The following CEP192 variants were observed in gnomAD, a reference collection of about 807,000 sequenced individuals.
CEP192 encodes centrosomal protein 192.
A neutral mutation model predicts 271.8 loss-of-function variants in CEP192; 151 were observed. The ratio of observed to expected loss-of-function variants is 0.56; its 90% CI spans 0.49 to 0.64. The LOEUF (loss-of-function observed/expected upper bound fraction) is 0.64, where lower values mean the gene tolerates loss of function less well. CEP192 is among the 30% of genes least tolerant of loss of function. The pLI is 0.00. For missense variants in CEP192, 2,910 were observed against 3,020.5 expected (o/e 0.96, Z 0.86); for synonymous variants, 995 against 1,076.5 (o/e 0.92, Z 1.48).
chr18:13,123,415 C>A (rs768439638), intron 44 of CEP192, among the ~76,000 whole-genome samples: 9 of 152,124 alleles, frequency 5.9e-5, no homozygotes, highest in African/African-American at 1.4e-4. Context: ...TCAGTTATAT[C>A]CAGGAAAAGG....
intron 9 of CEP192, 53 bp from the exon 10 acceptor site, chr18:13,029,608 TAA>T (rs2035499391): frequency 9.0e-7 from 1 of 1,109,456 alleles, no homozygotes; most frequent in East Asian, 2.6e-5. Context: ...AAATAAGTTA[TAA>T]AAAACAAGAC....
At chr18:13,072,480 A>G (rs1291498936) in intron 28 of CEP192, among the ~76,000 whole-genome samples, 1 of 152,208 alleles carries the variant, frequency 6.6e-6, no homozygotes, top group Non-Finnish European at 1.5e-5. Context: ...TATATGACAG[A>G]TAATACCTAT....
chr18:13,074,999 A>C (rs2038197194), intron 30 of CEP192, among the ~76,000 whole-genome samples: 1 of 152,248 alleles, frequency 6.6e-6, no homozygotes, highest in Non-Finnish European at 1.5e-5. Context: ...TATTCTGGGC[A>C]CTACCCTCAA....
intron 3 of CEP192, among the ~76,000 whole-genome samples, chr18:13,002,963 C>T (rs989796810): frequency 4.6e-5 from 7 of 152,118 alleles, no homozygotes; most frequent in African/African-American, 1.7e-4. Flanking sequence ...TGACTGAGTG[C>T]CTACTGTGTG....
chr18:13,078,127 TC>T (rs2038388197), intron 30 of CEP192, among the ~76,000 whole-genome samples: 1 of 152,116 alleles, frequency 6.6e-6, no homozygotes, highest in Non-Finnish European at 1.5e-5. Context: ...TATGTTCCCT[TC>T]CCTGTGTCCA....
rs148354378 is a variant in CEP192 at position 13,081,162 on chromosome 18, G to A, written c.5617-5855G>A. ...ATGATGCTGGCCTCATAAAAAATGA[G>A]TTAGGGAGGATTCTCTTTTTTTCTA... On this transcript the variant is annotated intron_variant, in intron 30 of 44. Coordinates refer to ENST00000506447, the MANE Select transcript of CEP192 (RefSeq NM_032142.4). Among the ~76,000 whole-genome samples, 6 of 152,322 alleles carry A rather than the reference G, an allele frequency of 3.9e-5. No individual in the cohort carries two copies. The East Asian group carries it at 1.2e-3, about 29-fold the overall frequency.
At chr18:13,091,995 A>G (rs1465659657) in intron 33 of CEP192, among the ~76,000 whole-genome samples, 1 of 152,240 alleles carries the variant, frequency 6.6e-6, no homozygotes, top group Non-Finnish European at 1.5e-5. Context: ...AACAATGTCC[A>G]CATTAAGCTT....
intron 30 of CEP192, among the ~76,000 whole-genome samples, chr18:13,084,507 C>T (rs1013078365): frequency 1.3e-5 from 2 of 152,134 alleles, no homozygotes; most frequent in Non-Finnish European, 2.9e-5. Flanking sequence ...GGGATTGTCC[C>T]GATTTTCCAG....
At chr18:13,081,665 T>TATCTTCAGTATCTTTC in intron 30 of CEP192, among the ~76,000 whole-genome samples, 1 of 152,258 alleles carries the variant, frequency 6.6e-6, no homozygotes, top group Non-Finnish European at 1.5e-5. Flanking sequence ...TCAGTATTTC[T>TATCTTCAGTATCTTTC]TGCCTTCTGC....
chr18:13,036,755 A>T (rs1266989629), intron 11 of CEP192, among the ~76,000 whole-genome samples: 3 of 152,218 alleles, frequency 2.0e-5, no homozygotes, highest in African/African-American at 7.2e-5. Flanking sequence ...GCTCGGCAGC[A>T]GCCTTGAGGG....
At chr18:13,003,212 C>A (rs1375552125) in intron 3 of CEP192, among the ~76,000 whole-genome samples, 1 of 151,994 alleles carries the variant, frequency 6.6e-6, no homozygotes, top group Admixed American at 6.6e-5. Context: ...ACTTTGGAAG[C>A]CTAAGGCAGG....
chr18:13,066,936 C>T (rs1334340493), intron 21 of CEP192, among the ~76,000 whole-genome samples: 1 of 148,802 alleles, frequency 6.7e-6, no homozygotes, highest in African/African-American at 2.5e-5. Context: ...TTGTGTTTGG[C>T]TAGAGCAAAA....
intron 12 of CEP192, among the ~76,000 whole-genome samples, chr18:13,038,136 ACTCATGATC>A (rs922227928): frequency 1.3e-5 from 2 of 152,064 alleles, no homozygotes; most frequent in Admixed American, 1.3e-4. Flanking sequence ...GTCATGAGCA[ACTCATGATC>A]GTGTGTATTA....
At chr18:13,028,542 G>A (rs1438369389) in intron 9 of CEP192, among the ~76,000 whole-genome samples, 2 of 151,908 alleles carry the variant, frequency 1.3e-5, no homozygotes, top group African/African-American at 2.4e-5. Flanking sequence ...TTTTTGAGAC[G>A]AAGTCTCACT....
At chr18:13,079,188 C>T in intron 30 of CEP192, among the ~76,000 whole-genome samples, 1 of 152,172 alleles carries the variant, frequency 6.6e-6, no homozygotes, top group Middle Eastern at 3.2e-3. Context: ...ATTTCTAATT[C>T]TAGATCCTTG....
At chr18:13,074,720 T>C (rs1358947884) in intron 30 of CEP192, among the ~76,000 whole-genome samples, 1 of 152,182 alleles carries the variant, frequency 6.6e-6, no homozygotes, top group Non-Finnish European at 1.5e-5. Flanking sequence ...ATGGCTATTA[T>C]TTCACAAGAA....
rs1226609929 is a variant in CEP192 at position 13,099,532 on chromosome 18, T to A, written c.6614T>A (p.Met2205Lys). ...TCCTCCTTATCCACAAAACAGTCAA[T>A]GTTCCCGTGGAGTGGTTTGATCTAT... ...PNSSLSTKQS[M>K]FPWSGLIYIH... Residue 2205 changes from methionine (M) to lysine (K), a missense_variant, in exon 37 of 45, where the codon ATG (methionine) becomes AAG (lysine). Coordinates refer to ENST00000506447, the MANE Select transcript of CEP192 (RefSeq NM_032142.4). 1.2e-6 allele frequency: 2 copies of A among 1,605,512 alleles called. No individual in the cohort carries two copies. The highest frequency in any genetic ancestry group is 1.3e-5 in the African/African-American group (1 of 74,486).
chr18:13,003,615 G>C (rs184612414), intron 3 of CEP192, among the ~76,000 whole-genome samples: 91 of 152,248 alleles, frequency 6.0e-4, no homozygotes, highest in African/African-American at 2.2e-3. Context: ...CAGGGAGGCT[G>C]GGGAGGTGGT....
chr18:13,080,760 T>C (rs2038560792), intron 30 of CEP192, among the ~76,000 whole-genome samples: 1 of 152,226 alleles, frequency 6.6e-6, no homozygotes, highest in Non-Finnish European at 1.5e-5. Context: ...TTCACTATGA[T>C]ATTGGCTGTG....
Sources: gnomAD v4.1 joint callset for allele counts (sites outside exome capture counted in the v4.1 genomes callset) on GRCh38, gnomAD v4.1.1 for gene constraint, MANE v1.5 for transcripts, NCBI Gene and HGNC (gene_info 2026-07-23, HGNC 2026-07-21) for gene names.